The following FGGY variants were observed in gnomAD, a reference collection of about 807,000 sequenced individuals.
FGGY encodes FGGY carbohydrate kinase domain containing, also known as FGGY carbohydrate kinase domain-containing protein.
A neutral mutation model predicts 71.3 loss-of-function variants in FGGY; 72 were observed. The observed-to-expected ratio is 1.01, with a 90% CI of 0.84 to 1.23. The LOEUF (loss-of-function observed/expected upper bound fraction) is 1.23, where lower values mean the gene tolerates loss of function less well. Among genes scored for constraint, FGGY ranks in the 50% most tolerant of loss-of-function variants. FGGY has a pLI of 0.00. For missense variants in FGGY, 668 were observed against 682.3 expected (o/e 0.98, Z 0.23); for synonymous variants, 251 against 250.3 (o/e 1.00, Z -0.02).
At chr1:59,627,288 T>G (rs2096865905) in intron 10 of FGGY, among the ~76,000 whole-genome samples, 1 of 151,814 alleles carries the variant, frequency 6.6e-6, no homozygotes, top group East Asian at 1.9e-4. Flanking sequence ...TTGGTAAATC[T>G]GTTTTTCATA....
intron 1 of FGGY, among the ~76,000 whole-genome samples, chr1:59,301,756 C>T (rs2042778094): frequency 7.7e-6 from 1 of 129,134 alleles, no homozygotes; most frequent in Admixed American, 9.3e-5. Context: ...TCTTGTTGCC[C>T]AGGCTGGAGT....
intron 12 of FGGY, among the ~76,000 whole-genome samples, chr1:59,663,244 G>A (rs1345704657): frequency 2.0e-5 from 3 of 152,200 alleles, no homozygotes; most frequent in Admixed American, 1.3e-4. Flanking sequence ...CTAGAGTATG[G>A]TAGTTGGAAT....
Position 59,318,095 on chromosome 1 carries a change from G to A in FGGY, c.-14-3441G>A, listed in dbSNP as rs550703219. Among the ~76,000 whole-genome samples the A allele has an allele frequency of 4.0e-4, 61 of 152,278 alleles. 3 individuals carry two copies. The South Asian group carries it at 0.013, about 32-fold the overall frequency. ...AGGTTAGGGCTGATGGAACCGGAGG[G>A]AATGGATTACTGTCAATTGTATTAC... On this transcript the variant is annotated intron_variant, in intron 1 of 15. Coordinates refer to ENST00000303721, the MANE Select transcript of FGGY (RefSeq NM_018291.5).
At chr1:59,517,226 G>A (rs1256049332) in intron 7 of FGGY, among the ~76,000 whole-genome samples, 1 of 135,756 alleles carries the variant, frequency 7.4e-6, no homozygotes, top group East Asian at 2.2e-4. Context: ...CCTGATTTCT[G>A]TCTCAGGCCC....
intron 4 of FGGY, among the ~76,000 whole-genome samples, chr1:59,365,873 G>A (rs1266204602): frequency 6.6e-6 from 1 of 152,206 alleles, no homozygotes; most frequent in Admixed American, 6.5e-5. Context: ...CATCCTTGGG[G>A]GAAGATGCTA....
At chr1:59,702,870 C>A (rs2097721083) in intron 14 of FGGY, among the ~76,000 whole-genome samples, 1 of 152,108 alleles carries the variant, frequency 6.6e-6, no homozygotes, top group African/African-American at 2.4e-5. Context: ...CAGCTTTGTC[C>A]TGGGGCACTC....
chr1:59,436,678 A>G (rs1415290350), intron 5 of FGGY, among the ~76,000 whole-genome samples: 3 of 152,222 alleles, frequency 2.0e-5, no homozygotes, highest in Admixed American at 6.5e-5. Flanking sequence ...GAAATTTCAC[A>G]CAGGATAGGA....
intron 9 of FGGY, among the ~76,000 whole-genome samples, chr1:59,616,782 G>A (rs192702580): frequency 6.6e-6 from 1 of 151,738 alleles, no homozygotes; most frequent in African/African-American, 2.4e-5. Flanking sequence ...TATTTTGAAG[G>A]CTTGTTTCCA....
At chr1:59,304,535 C>T (rs2043179948) in intron 1 of FGGY, among the ~76,000 whole-genome samples, 2 of 150,580 alleles carry the variant, frequency 1.3e-5, no homozygotes, top group Admixed American at 6.6e-5. Flanking sequence ...CCCAAGATTG[C>T]TTTAGCTATT....
At chr1:59,574,963 T>C (rs535604985) in intron 8 of FGGY, among the ~76,000 whole-genome samples, 1 of 152,158 alleles carries the variant, frequency 6.6e-6, no homozygotes, top group Non-Finnish European at 1.5e-5. Flanking sequence ...AAAAAGTGTA[T>C]GTTAATTTAT....
intron 1 of FGGY, among the ~76,000 whole-genome samples, chr1:59,312,420 T>C (rs192977554): frequency 6.6e-6 from 1 of 152,322 alleles, no homozygotes; most frequent in East Asian, 1.9e-4. Context: ...ACATATACTT[T>C]GGTAGGTGTT....
intron 9 of FGGY, among the ~76,000 whole-genome samples, chr1:59,613,937 G>C (rs2096720241): frequency 6.6e-6 from 1 of 152,128 alleles, no homozygotes; most frequent in Non-Finnish European, 1.5e-5. Flanking sequence ...ACCCTCCCAA[G>C]ACTAAACCAG....
intron 14 of FGGY, among the ~76,000 whole-genome samples, chr1:59,754,412 C>T (rs1348553111): frequency 6.6e-6 from 1 of 151,632 alleles, no homozygotes; most frequent in East Asian, 1.9e-4. Flanking sequence ...GTTTTGGTCT[C>T]TTTTTTGTTT....
chr1:59,707,958 C>T (rs1214974125), intron 14 of FGGY, among the ~76,000 whole-genome samples: 2 of 152,152 alleles, frequency 1.3e-5, no homozygotes, highest in African/African-American at 4.8e-5. Context: ...AGTATCAAAG[C>T]TAGAAGGGAC....
intron 14 of FGGY, among the ~76,000 whole-genome samples, chr1:59,714,714 A>G (rs1285068877): frequency 1.3e-5 from 2 of 152,188 alleles, no homozygotes; most frequent in African/African-American, 4.8e-5. Flanking sequence ...TAGAAAAGAA[A>G]AGGAGGAGGA....
intron 5 of FGGY, among the ~76,000 whole-genome samples, chr1:59,432,039 T>G (rs1328692603): frequency 6.6e-6 from 1 of 152,090 alleles, no homozygotes; most frequent in African/African-American, 2.4e-5. Flanking sequence ...ACTCCCCACA[T>G]CCACCCAATC....
At chr1:59,694,851 A>G (rs1055664919) in intron 14 of FGGY, among the ~76,000 whole-genome samples, 1 of 152,220 alleles carries the variant, frequency 6.6e-6, no homozygotes, top group Non-Finnish European at 1.5e-5. Context: ...ATAGCAAGGC[A>G]TCTGTTAAGA....
At chr1:59,592,895 C>A (rs552892526) in intron 8 of FGGY, among the ~76,000 whole-genome samples, 2 of 151,820 alleles carry the variant, frequency 1.3e-5, no homozygotes, top group African/African-American at 4.8e-5. Context: ...TATAACTAAC[C>A]GGCACATTGT....
At chr1:59,378,999 A>G (rs2059030929) in intron 5 of FGGY, among the ~76,000 whole-genome samples, 162 bp downstream of exon 5, 1 of 152,200 alleles carries the variant, frequency 6.6e-6, no homozygotes, top group Non-Finnish European at 1.5e-5. Flanking sequence ...CCTCCACTGC[A>G]CATGCCCAAA....
Sources: gnomAD v4.1 joint callset for allele counts (sites outside exome capture counted in the v4.1 genomes callset) on GRCh38, gnomAD v4.1.1 for gene constraint, MANE v1.5 for transcripts, NCBI Gene and HGNC (gene_info 2026-07-23, HGNC 2026-07-21) for gene names.